Variants in UNC5D observed in about 807,000 individuals in gnomAD.
UNC5D encodes unc-5 netrin receptor D, also known as netrin receptor UNC5D.
Under a neutral mutation model 105.4 loss-of-function variants are expected in UNC5D, and 39 were observed. The observed-to-expected ratio is 0.37, with a 90% CI of 0.29 to 0.48. The LOEUF (loss-of-function observed/expected upper bound fraction) is 0.48. Ranked by LOEUF, UNC5D falls within the 20% of genes least tolerant of loss-of-function variation. The pLI is 0.98. For missense variants in UNC5D, 991 were observed against 1,202.4 expected, an observed-to-expected ratio of 0.82 and a Z score of 2.60; for synonymous variants, 452 against 450.4, an observed-to-expected ratio of 1.00 and a Z score of -0.04.
At chr8:35,681,314 A>G (rs1332934675) in intron 4 of UNC5D, among the ~76,000 whole-genome samples, 1 of 152,140 alleles carries the variant, frequency 6.6e-6, no homozygotes, top group Non-Finnish European at 1.5e-5. Flanking sequence ...CAACTCTTAT[A>G]TTTTGGTGAG....
chr8:35,592,901 T>C (rs1391503627), intron 3 of UNC5D, among the ~76,000 whole-genome samples: 2 of 152,110 alleles, frequency 1.3e-5, no homozygotes, highest in Non-Finnish European at 2.9e-5. Flanking sequence ...TTCCAGTCAT[T>C]TCAAATGTCA....
At chr8:35,427,725 A>C (rs1239607926) in intron 1 of UNC5D, among the ~76,000 whole-genome samples, 1 of 152,220 alleles carries the variant, frequency 6.6e-6, no homozygotes, top group Non-Finnish European at 1.5e-5. Context: ...TACTGATCAG[A>C]CTAGAATAAT....
intron 10 of UNC5D, chr8:35,727,457 AT>A (rs1451470649): frequency 1.3e-5 from 2 of 152,198 alleles, no homozygotes; most frequent in Non-Finnish European, 2.9e-5. Flanking sequence ...CAAATCGAGC[AT>A]TTCATTCCAT....
At chr8:35,431,829 T>A (rs1431007668) in intron 1 of UNC5D, among the ~76,000 whole-genome samples, 5 of 152,140 alleles carry the variant, frequency 3.3e-5, no homozygotes, top group African/African-American at 1.2e-4. Context: ...CAGTGTAATA[T>A]TTAAAAGTAA....
At chr8:35,502,082 C>T (rs559672336) in intron 1 of UNC5D, among the ~76,000 whole-genome samples, 3 of 152,302 alleles carry the variant, frequency 2.0e-5, no homozygotes, top group East Asian at 1.9e-4. Context: ...CAGTGTTTTA[C>T]GAGCATATTA....
chr8:35,718,097 CTTTT>C (rs57590798), intron 8 of UNC5D, among the ~76,000 whole-genome samples: 16 of 143,352 alleles, frequency 1.1e-4, no homozygotes, highest in East Asian at 4.0e-4. Context: ...GGTTTGGGGG[CTTTT>C]TTTTTTTTAA....
chr8:35,764,992 G>A (rs1183582246), intron 14 of UNC5D, among the ~76,000 whole-genome samples: 1 of 152,226 alleles, frequency 6.6e-6, no homozygotes, highest in African/African-American at 2.4e-5. Context: ...GAGAGCCAAG[G>A]TCAGAGAAAG....
chr8:35,773,632 GC>G (rs1554605169), intron 15 of UNC5D, among the ~76,000 whole-genome samples: 1 of 152,168 alleles, frequency 6.6e-6, no homozygotes, highest in Non-Finnish European at 1.5e-5. Flanking sequence ...TCATTTGGTA[GC>G]TTCTTCCTGC....
rs190615558 is a variant in UNC5D at position 35,581,518 on chromosome 8, G to C, written c.466+13277G>C. On this transcript the variant is annotated intron_variant, in intron 3 of 16. Coordinates refer to ENST00000404895, the MANE Select transcript of UNC5D (RefSeq NM_080872.4). ...TAATGGGTATAAAAATGTAGTTAAA[G>C]AATGAATAAGATTTAGTATTTGATA... 7.2e-5 allele frequency among the ~76,000 whole-genome samples: 11 copies of C among 152,264 alleles called. No individual in the cohort carries two copies. The East Asian group carries it at 1.9e-3, about 27-fold the overall frequency.
intron 1 of UNC5D, among the ~76,000 whole-genome samples, chr8:35,511,803 AGCC>A (rs1812728866): frequency 1.3e-5 from 2 of 152,192 alleles, no homozygotes; most frequent in African/African-American, 4.8e-5. Context: ...CTACGTTCAA[AGCC>A]GTCCTGGGCT....
chr8:35,249,285 T>C (rs975805979), intron 1 of UNC5D, among the ~76,000 whole-genome samples: 1 of 149,582 alleles, frequency 6.7e-6, no homozygotes, highest in African/African-American at 2.4e-5. Context: ...TGGCCAGGCG[T>C]GGTGGCTCAC....
At chr8:35,707,917 A>G (rs1229371603) in intron 8 of UNC5D, among the ~76,000 whole-genome samples, 1 of 152,178 alleles carries the variant, frequency 6.6e-6, no homozygotes, top group Non-Finnish European at 1.5e-5. Context: ...TTCTCTAAAA[A>G]TAAGACCTTA....
intron 1 of UNC5D, among the ~76,000 whole-genome samples, chr8:35,252,106 C>T (rs1424703352): frequency 6.7e-6 from 1 of 149,266 alleles, no homozygotes; most frequent in Non-Finnish European, 1.5e-5. Flanking sequence ...ACTGCAGGCT[C>T]TGCCCCACGG....
chr8:35,629,390 T>A (rs1317175505), intron 4 of UNC5D, among the ~76,000 whole-genome samples: 1 of 152,070 alleles, frequency 6.6e-6, no homozygotes, highest in Non-Finnish European at 1.5e-5. Context: ...TTTAATGGGT[T>A]TTTTTTTCTT....
At chr8:35,731,314 T>C (rs1315650051) in intron 11 of UNC5D, among the ~76,000 whole-genome samples, 2 of 142,038 alleles carry the variant, frequency 1.4e-5, no homozygotes, top group Non-Finnish European at 3.0e-5. Context: ...GGCTGGAGAA[T>C]CGCTTGAACC....
intron 4 of UNC5D, among the ~76,000 whole-genome samples, chr8:35,596,196 A>T (rs922669525): frequency 3.9e-5 from 6 of 152,194 alleles, no homozygotes; most frequent in African/African-American, 4.8e-5. Flanking sequence ...CTGATCTGTT[A>T]TCCTTCCTTC....
Position 35,649,226 on chromosome 8 carries a change from C to T in UNC5D, c.571-34321C>T, listed in dbSNP as rs140872973. Among the ~76,000 whole-genome samples, 785 of 152,222 alleles carry T rather than the reference C, an allele frequency of 5.2e-3. 4 individuals are homozygous for T. The highest frequency in any genetic ancestry group is 0.014 in the Middle Eastern group (4 of 294). ...TATATGGACTAGGCAAGGGAAGTTG[C>T]GTACCTTCAACTCAGACCATGCAGA... On this transcript the variant is annotated intron_variant, in intron 4 of 16. Transcript: ENST00000404895.
At chr8:35,265,043 C>T (rs1486181380) in intron 1 of UNC5D, among the ~76,000 whole-genome samples, 2 of 152,170 alleles carry the variant, frequency 1.3e-5, no homozygotes, top group Non-Finnish European at 2.9e-5. Flanking sequence ...AGATGTGCTT[C>T]TCCAGGTCTC....
At chr8:35,299,846 G>A (rs771288465) in intron 1 of UNC5D, among the ~76,000 whole-genome samples, 1 of 152,296 alleles carries the variant, frequency 6.6e-6, no homozygotes, top group Admixed American at 6.5e-5. Flanking sequence ...CTGTAAAATA[G>A]AGTGAGGAAA....
Sources: gnomAD v4.1 joint callset for allele counts (sites outside exome capture counted in the v4.1 genomes callset) on GRCh38, gnomAD v4.1.1 for gene constraint, MANE v1.5 for transcripts, NCBI Gene and HGNC (gene_info 2026-07-23, HGNC 2026-07-21) for gene names.